The following RPS6KC1 variants were observed in gnomAD, a reference collection of about 807,000 sequenced individuals.
The protein encoded by RPS6KC1 is ribosomal protein S6 kinase C1, also known as inactive ribosomal protein S6 kinase delta-1.
A neutral mutation model predicts 103.8 loss-of-function variants in RPS6KC1; 54 were observed. The ratio of observed to expected loss-of-function variants is 0.52; its 90% CI spans 0.42 to 0.65. The LOEUF (loss-of-function observed/expected upper bound fraction) is 0.65. RPS6KC1 is among the 30% of genes least tolerant of loss of function. The pLI, the probability that RPS6KC1 is intolerant of heterozygous loss-of-function variation, is 0.00. For missense variants in RPS6KC1, 1,151 were observed against 1,253.8 expected (o/e 0.92, Z 1.24); for synonymous variants, 439 against 438.7 (o/e 1.00, Z -0.01).
chr1:213,250,084 G>C (rs1044775818), intron 12 of RPS6KC1, among the ~76,000 whole-genome samples: 2 of 152,160 alleles, frequency 1.3e-5, no homozygotes, highest in Admixed American at 1.3e-4. Context: ...AATACAGCAG[G>C]CCCAGGGATT....
intron 5 of RPS6KC1, among the ~76,000 whole-genome samples, chr1:213,125,373 A>T (rs1558370185): frequency 6.6e-6 from 1 of 152,118 alleles, no homozygotes; most frequent in African/African-American, 2.4e-5. Flanking sequence ...ATCATAATCT[A>T]TTATTAGGAA....
chr1:213,262,670 C>A, intron 13 of RPS6KC1, 51 bp from the exon 14 acceptor site: 3 of 1,183,606 alleles, frequency 2.5e-6, no homozygotes, highest in Non-Finnish European at 3.8e-6. Context: ...TATGATAGAA[C>A]AAAATATGAT....
the RPS6KC1 span, among the ~76,000 whole-genome samples, chr1:213,476,530 T>G: frequency 2.6e-5 from 4 of 152,360 alleles, no homozygotes; most frequent in East Asian, 7.7e-4. Context: ...CATTTATTTC[T>G]GACTCAGGTT....
chr1:213,441,757 G>A, the RPS6KC1 span, among the ~76,000 whole-genome samples: 34 of 152,272 alleles, frequency 2.2e-4, no homozygotes, highest in South Asian at 6.8e-3. Flanking sequence ...GGAATATGCA[G>A]TTTTTTTGAG....
the RPS6KC1 span, among the ~76,000 whole-genome samples, chr1:213,568,682 G>A: frequency 6.6e-6 from 1 of 152,286 alleles, no homozygotes; most frequent in South Asian, 2.1e-4. Context: ...TTTTAAAGAG[G>A]AGGACGCAAA....
chr1:213,550,988 T>C, the RPS6KC1 span, among the ~76,000 whole-genome samples: 1 of 152,150 alleles, frequency 6.6e-6, no homozygotes, highest in Non-Finnish European at 1.5e-5. Flanking sequence ...TCAAGGAATT[T>C]GAACTGAAAA....
the RPS6KC1 span, among the ~76,000 whole-genome samples, chr1:213,761,033 G>A: frequency 1.2e-4 from 18 of 151,472 alleles, no homozygotes; most frequent in South Asian, 3.0e-3. Context: ...TCTAGTTTAT[G>A]TTGTATATTA....
the RPS6KC1 span, among the ~76,000 whole-genome samples, chr1:213,744,218 T>C: frequency 0.13 from 19,286 of 151,940 alleles, 1,371 homozygotes; most frequent in African/African-American, 0.19. Flanking sequence ...TCTCAGTAAT[T>C]ACCACTAAAG....
At chr1:213,176,570 C>A in intron 8 of RPS6KC1, 78 bp downstream of exon 8, 2 of 944,496 alleles carry the variant, frequency 2.1e-6, no homozygotes, top group South Asian at 1.8e-5. Flanking sequence ...AGCTTTGGAT[C>A]TTAAGGATAT....
At chr1:213,372,898 A>G in the RPS6KC1 span, among the ~76,000 whole-genome samples, 1 of 152,066 alleles carries the variant, frequency 6.6e-6, no homozygotes, top group Non-Finnish European at 1.5e-5. Flanking sequence ...ATAAATAAAT[A>G]TCTGTATTCC....
the RPS6KC1 span, among the ~76,000 whole-genome samples, chr1:213,454,917 A>G: frequency 6.6e-6 from 1 of 152,180 alleles, no homozygotes; most frequent in Non-Finnish European, 1.5e-5. Flanking sequence ...GGACCAGTTT[A>G]TCCTTTGTCA....
the RPS6KC1 span, among the ~76,000 whole-genome samples, chr1:213,854,558 TTCTTTC>T: frequency 0.034 from 3,749 of 111,254 alleles, 57 homozygotes; most frequent in East Asian, 0.07. Flanking sequence ...CTTTCTTTCT[TTCTTTC>T]TCTCTCTCTC....
intron 6 of RPS6KC1, among the ~76,000 whole-genome samples, chr1:213,163,995 A>G (rs2090727646): frequency 6.6e-6 from 1 of 152,206 alleles, no homozygotes; most frequent in African/African-American, 2.4e-5. Flanking sequence ...ACAGTAGAAT[A>G]ATCAAATTCA....
chr1:213,091,064 GT>G (rs879345095), intron 3 of RPS6KC1, among the ~76,000 whole-genome samples: 1,932 of 146,174 alleles, frequency 0.013, 46 homozygotes, highest in African/African-American at 0.045. Flanking sequence ...AGGGAGGAGT[GT>G]TTTTTTTTTT....
At chr1:213,323,015 C>T in the RPS6KC1 span, among the ~76,000 whole-genome samples, 4 of 150,752 alleles carry the variant, frequency 2.7e-5, no homozygotes, top group Admixed American at 6.6e-5. Context: ...CCACCCGCCT[C>T]GGCCTCCCAA....
chr1:213,425,277 C>T, the RPS6KC1 span, among the ~76,000 whole-genome samples: 1 of 152,186 alleles, frequency 6.6e-6, no homozygotes, highest in Non-Finnish European at 1.5e-5. Context: ...CATTGCATTT[C>T]AATGTAATTG....
At chr1:213,545,420 T>A in the RPS6KC1 span, among the ~76,000 whole-genome samples, 16 of 73,302 alleles carry the variant, frequency 2.2e-4, no homozygotes, top group African/African-American at 5.1e-4. Context: ...ATAAATAAAA[T>A]AAAATAAAAT....
At chr1:213,714,659 T>A in the RPS6KC1 span, among the ~76,000 whole-genome samples, 1 of 152,196 alleles carries the variant, frequency 6.6e-6, no homozygotes, top group African/African-American at 2.4e-5. Context: ...TTTGAATCCG[T>A]CCTCTGACCA....
At chr1:213,326,387 G>C in the RPS6KC1 span, among the ~76,000 whole-genome samples, 2 of 152,092 alleles carry the variant, frequency 1.3e-5, no homozygotes, top group Non-Finnish European at 2.9e-5. Context: ...ATAATAATTA[G>C]GAACACAGAC....
Sources: allele counts gnomAD v4.1 joint callset (sites outside exome capture counted in the v4.1 genomes callset), GRCh38; gene constraint gnomAD v4.1.1; transcripts MANE v1.5; gene names NCBI Gene and HGNC (gene_info 2026-07-23, HGNC 2026-07-21).